The following CRB1 variants were observed in gnomAD, a reference collection of about 807,000 sequenced individuals.
CRB1 encodes the protein crumbs cell polarity complex component 1, also known as protein crumbs homolog 1.
Under a neutral mutation model 120.0 loss-of-function variants are expected in CRB1, and 83 were observed. That is an observed-to-expected ratio of 0.69 (90% CI 0.58 to 0.83). The LOEUF is 0.83. Ranked by LOEUF, CRB1 falls within the 40% of genes least tolerant of loss-of-function variation. CRB1 has a pLI of 0.00. For missense variants in CRB1, 1,699 were observed against 1,687.6 expected (o/e 1.01, Z -0.12); for synonymous variants, 625 against 612.5 (o/e 1.02, Z -0.30).
chr1:197,332,339 T>A (rs977552390), intron 2 of CRB1, among the ~76,000 whole-genome samples: 1 of 152,140 alleles, frequency 6.6e-6, no homozygotes, highest in African/African-American at 2.4e-5. Flanking sequence ...AGGTCCACAA[T>A]GAGGATGCTT....
chr1:197,478,020 T>TA lies in CRB1; in HGVS notation c.*146dup. On this transcript the variant is annotated 3_prime_UTR_variant, in exon 12 of 12. Coordinates refer to ENST00000367400, the MANE Select transcript of CRB1 (RefSeq NM_201253.3). ...ACAGGAATGATTCCTTTGACCACCT[T>TA]AAAAACTTTCACAGTGGTTCCGCTC... The TA allele has an allele frequency of 1.1e-6, 1 of 901,446 alleles. No homozygotes were observed. The highest frequency in any genetic ancestry group is 1.8e-6 in the Non-Finnish European group (1 of 557,584). 55.8% of individuals were successfully genotyped at this position (901,446 alleles called of 1,614,324 possible). A position where few individuals can be genotyped will look rare whatever the true frequency, so the allele number is the denominator to read the frequency against.
At chr1:197,452,685 T>C (rs1185336993) in intron 11 of CRB1, among the ~76,000 whole-genome samples, 1 of 151,982 alleles carries the variant, frequency 6.6e-6, no homozygotes, top group Non-Finnish European at 1.5e-5. Flanking sequence ...AACCTGGGAG[T>C]ACTTACTTCC....
chr1:197,407,726 G>A (rs973495946), intron 5 of CRB1, among the ~76,000 whole-genome samples: 10 of 151,994 alleles, frequency 6.6e-5, no homozygotes, highest in Non-Finnish European at 1.2e-4. Context: ...CTCCCACTAA[G>A]GGACTCTTAT....
At chr1:197,369,411 G>A (rs1661251432) in intron 5 of CRB1, among the ~76,000 whole-genome samples, 1 of 151,752 alleles carries the variant, frequency 6.6e-6, no homozygotes, top group African/African-American at 2.4e-5. Context: ...TCAGTCCCAA[G>A]CAACCCAGTT....
intron 1 of CRB1, among the ~76,000 whole-genome samples, chr1:197,289,692 T>C (rs1656052177): frequency 6.6e-6 from 1 of 151,816 alleles, no homozygotes; most frequent in African/African-American, 2.4e-5. Flanking sequence ...CTTACTAACA[T>C]ATTTTCCTTT....
intron 1 of CRB1, among the ~76,000 whole-genome samples, chr1:197,316,320 G>C (rs1657837540): frequency 1.3e-5 from 2 of 152,044 alleles, no homozygotes; most frequent in African/African-American, 4.8e-5. Flanking sequence ...AAGTAGCTGG[G>C]ACTACAGGCG....
chr1:197,298,735 G>C (rs1393088889), intron 1 of CRB1, among the ~76,000 whole-genome samples: 1 of 151,868 alleles, frequency 6.6e-6, no homozygotes, highest in Non-Finnish European at 1.5e-5. Context: ...ATATATAAGT[G>C]GAAAATTATA....
intron 8 of CRB1, 27 bp downstream of exon 8, chr1:197,429,641 C>T (rs768124824): frequency 1.2e-5 from 20 of 1,610,294 alleles, no homozygotes; most frequent in Non-Finnish European, 1.6e-5. Flanking sequence ...CCTACCATCT[C>T]ACCAGTTAAG....
chr1:197,203,176 ATCTC>A, the CRB1 span, among the ~76,000 whole-genome samples: 4 of 152,228 alleles, frequency 2.6e-5, no homozygotes, highest in Non-Finnish European at 4.4e-5. Context: ...TTTTTTAAAA[ATCTC>A]AAGCAAGGAT....
intron 11 of CRB1, among the ~76,000 whole-genome samples, chr1:197,453,888 TA>T: frequency 7.1e-6 from 1 of 141,332 alleles, no homozygotes; most frequent in Non-Finnish European, 1.5e-5. Context: ...TATATATTAT[TA>T]ATATTATTAT....
At chr1:197,313,177 A>T (rs1269198878) in intron 1 of CRB1, among the ~76,000 whole-genome samples, 2 of 152,112 alleles carry the variant, frequency 1.3e-5, no homozygotes, top group African/African-American at 4.8e-5. Context: ...ACACTTTTAA[A>T]CCATCAGATT....
chr1:197,289,026 T>C (rs960173680), intron 1 of CRB1, among the ~76,000 whole-genome samples: 6 of 148,726 alleles, frequency 4.0e-5, no homozygotes, highest in Non-Finnish European at 7.4e-5. Flanking sequence ...GAGTGATCCA[T>C]GTAGAGCCTA....
chr1:197,438,804 C>A, intron 10 of CRB1, 129 bp downstream of exon 10: 2 of 1,193,622 alleles, frequency 1.7e-6, no homozygotes, highest in South Asian at 1.4e-5. Context: ...AATAGAGGTT[C>A]AGACAGAATG....
chr1:197,277,946 G>A (rs1655307822), intron 1 of CRB1, among the ~76,000 whole-genome samples: 1 of 151,886 alleles, frequency 6.6e-6, no homozygotes, highest in African/African-American at 2.4e-5. Flanking sequence ...ACATGATCCA[G>A]CTTCCACTAG....
intron 1 of CRB1, among the ~76,000 whole-genome samples, chr1:197,316,920 A>AC (rs1487315057): frequency 2.6e-5 from 4 of 151,812 alleles, no homozygotes; most frequent in Non-Finnish European, 5.9e-5. Context: ...CAAAAAAAAA[A>AC]AACAAAAAAA....
At chr1:197,343,185 G>A (rs900346221) in intron 2 of CRB1, among the ~76,000 whole-genome samples, 1 of 152,072 alleles carries the variant, frequency 6.6e-6, no homozygotes, top group Non-Finnish European at 1.5e-5. Flanking sequence ...AGAAAAATGG[G>A]CACAAATCAA....
chr1:197,287,605 G>A (rs1270402632), intron 1 of CRB1, among the ~76,000 whole-genome samples: 1 of 151,762 alleles, frequency 6.6e-6, no homozygotes, highest in Non-Finnish European at 1.5e-5. Context: ...AGGGAGAGAG[G>A]CGCTAGGGAA....
chr1:197,333,838 G>A (rs1658997303), intron 2 of CRB1, among the ~76,000 whole-genome samples: 3 of 152,214 alleles, frequency 2.0e-5, no homozygotes, highest in African/African-American at 7.2e-5. Flanking sequence ...TGGCCTGGGA[G>A]AGTGGCCATG....
chr1:197,354,611 G>C (rs939946502), intron 4 of CRB1, among the ~76,000 whole-genome samples: 2 of 152,064 alleles, frequency 1.3e-5, no homozygotes, highest in Non-Finnish European at 2.9e-5. Context: ...TGGAGGGTTC[G>C]TGGTCTTGTT....
Sources: gnomAD v4.1 joint callset for allele counts (sites outside exome capture counted in the v4.1 genomes callset) on GRCh38, gnomAD v4.1.1 for gene constraint, MANE v1.5 for transcripts, NCBI Gene and HGNC (gene_info 2026-07-23, HGNC 2026-07-21) for gene names.